Variants in AGPS observed in about 807,000 individuals in gnomAD.
AGPS encodes alkylglycerone phosphate synthase, also known as alkyldihydroxyacetonephosphate synthase, peroxisomal.
AGPS carries 26 observed loss-of-function variants against 90.7 expected under a neutral mutation model. The ratio of observed to expected loss-of-function variants is 0.29; its 90% CI spans 0.21 to 0.40. The LOEUF (loss-of-function observed/expected upper bound fraction) is 0.40. Among genes scored for constraint, AGPS ranks in the 10% least tolerant of loss-of-function variants. The pLI is 1.00. For synonymous variants in AGPS, 294 were observed against 285.3 expected (o/e 1.03, Z -0.31); for missense variants, 540 against 816.1 (o/e 0.66, Z 4.12).
intron 1 of AGPS, among the ~76,000 whole-genome samples, chr2:177,400,930 G>C (rs142425391): frequency 6.2e-4 from 94 of 152,254 alleles, no homozygotes; most frequent in African/African-American, 2.1e-3. Context: ...AACTGTATAG[G>C]AATCCAGCCT....
At chr2:177,436,316 T>C (rs952788522) in intron 3 of AGPS, among the ~76,000 whole-genome samples, 2 of 151,726 alleles carry the variant, frequency 1.3e-5, no homozygotes, top group South Asian at 4.2e-4. Context: ...CACGCCCGGC[T>C]AATTTTTGTA....
intron 2 of AGPS, among the ~76,000 whole-genome samples, chr2:177,425,535 C>T (rs1018060196): frequency 2.0e-5 from 3 of 147,960 alleles, no homozygotes; most frequent in Non-Finnish European, 3.0e-5. Context: ...GCAGGAGACT[C>T]GCTTGAACCC....
chr2:177,479,716 G>T (rs924186417), intron 10 of AGPS, among the ~76,000 whole-genome samples: 1 of 152,226 alleles, frequency 6.6e-6, no homozygotes, highest in African/African-American at 2.4e-5. Context: ...GTCCAGAATA[G>T]GCAAGTCTGT....
In AGPS at chr2:177,521,335, T is replaced by C. The variant is rs772375722; in HGVS notation, c.1764T>C (p.Ile588=). 1.9e-6 allele frequency: 3 copies of C among 1,614,086 alleles called. No homozygotes were observed. The South Asian group carries it at 3.3e-5, about 18-fold the overall frequency. ...YFYFAFNYRG[I]SDPLTVFEQT... Reference sequence around the variant, plus strand: ...ATTTTGCCTTTAACTACAGGGGAATTAGTGACCCACTGACCGTATTTGAAC... The same window carrying C: ...ATTTTGCCTTTAACTACAGGGGAATCAGTGACCCACTGACCGTATTTGAAC... Residue 588 remains isoleucine, a synonymous_variant, in exon 18 of 20, where the codon ATT becomes ATC. Transcript: ENST00000264167.
chr2:177,449,279 A>G (rs994389349), intron 8 of AGPS, among the ~76,000 whole-genome samples: 3 of 152,346 alleles, frequency 2.0e-5, no homozygotes, highest in Non-Finnish European at 1.5e-5. Context: ...GTTTTTTCCC[A>G]GAGTGATTAT....
intron 8 of AGPS, among the ~76,000 whole-genome samples, chr2:177,450,940 C>T (rs902406035): frequency 4.4e-3 from 9 of 2,034 alleles, no homozygotes; most frequent in African/African-American, 8.6e-3. Flanking sequence ...CAGTGTCTTA[C>T]GGTTTTCTAT....
chr2:177,418,411 A>T (rs757590884), intron 1 of AGPS, among the ~76,000 whole-genome samples: 40 of 152,090 alleles, frequency 2.6e-4, no homozygotes, highest in Non-Finnish European at 5.3e-4. Flanking sequence ...TTTTAAGGAA[A>T]ATGATTTTCG....
intron 8 of AGPS, among the ~76,000 whole-genome samples, chr2:177,461,425 C>T (rs1687290211): frequency 6.6e-6 from 1 of 152,166 alleles, no homozygotes; most frequent in Non-Finnish European, 1.5e-5. Flanking sequence ...AGGCAATTTG[C>T]TCGGATTTTC....
chr2:177,493,449 G>C (rs984669805), intron 12 of AGPS, among the ~76,000 whole-genome samples: 5 of 152,224 alleles, frequency 3.3e-5, no homozygotes, highest in African/African-American at 4.8e-5. Flanking sequence ...TTTGCTTGAG[G>C]ATAAAGAGTC....
intron 1 of AGPS, 37 bp from the exon 2 acceptor site, chr2:177,420,232 G>A: frequency 7.8e-7 from 1 of 1,287,448 alleles, no homozygotes; most frequent in Non-Finnish European, 1.1e-6. Context: ...AAGATGTTTA[G>A]CATTGGTCTC....
At chr2:177,502,450 TCA>T (rs1452957243) in intron 14 of AGPS, among the ~76,000 whole-genome samples, 1 of 147,514 alleles carries the variant, frequency 6.8e-6, no homozygotes, top group Non-Finnish European at 1.5e-5. Flanking sequence ...TCTTGCTCTG[TCA>T]CTCAGGCTGG....
chr2:177,527,125 AT>A (rs972211364), intron 19 of AGPS, among the ~76,000 whole-genome samples: 19 of 151,828 alleles, frequency 1.3e-4, no homozygotes, highest in Non-Finnish European at 2.7e-4. Flanking sequence ...CATGTAATTA[AT>A]TTTTTTTTAA....
chr2:177,457,211 A>G (rs149098531), intron 8 of AGPS, among the ~76,000 whole-genome samples: 5,345 of 152,338 alleles, frequency 0.035, 205 homozygotes, highest in African/African-American at 0.097. Flanking sequence ...AGGGAAATTT[A>G]TAACACTAAA....
At chr2:177,490,592 C>T (rs1369209641) in intron 11 of AGPS, among the ~76,000 whole-genome samples, 1 of 152,066 alleles carries the variant, frequency 6.6e-6, no homozygotes, top group African/African-American at 2.4e-5. Context: ...GCTTATGTGA[C>T]TTGATTATCA....
chr2:177,459,487 C>A (rs1013918641), intron 8 of AGPS, among the ~76,000 whole-genome samples: 4 of 152,100 alleles, frequency 2.6e-5, no homozygotes, highest in South Asian at 2.1e-4. Flanking sequence ...AAAAAACAAC[C>A]CCATCAAAAA....
chr2:177,502,991 T>A (rs775869691), intron 14 of AGPS, among the ~76,000 whole-genome samples: 1 of 152,194 alleles, frequency 6.6e-6, no homozygotes, highest in Non-Finnish European at 1.5e-5. Flanking sequence ...TTATTTTGAA[T>A]TGGGGCATTA....
At position 177,455,848 on chromosome 2, in the gene AGPS, T is replaced by G. The variant is rs78157515; in HGVS notation, c.871-6045T>G. 1.6e-4 allele frequency among the ~76,000 whole-genome samples: 25 copies of G among 152,194 alleles called. No homozygotes were observed. In the South Asian group the frequency reaches 2.5e-3, roughly 15 times the overall value. The stretch of plus-strand genomic sequence containing the variant: ...TAATATAAGCACCATAATTTAGGGA[T>G]TTTTTAAGGAATATATCTGAAGGTC... On this transcript the variant is annotated intron_variant, in intron 8 of 19. Coordinates refer to ENST00000264167, the MANE Select transcript of AGPS (RefSeq NM_003659.4).
intron 11 of AGPS, among the ~76,000 whole-genome samples, chr2:177,484,354 G>A (rs1488241451): frequency 6.6e-6 from 1 of 151,616 alleles, no homozygotes; most frequent in Admixed American, 6.6e-5. Context: ...TTTTTTGTTT[G>A]TTTTTTTAAG....
At chr2:177,484,079 A>T (rs1307295189) in intron 11 of AGPS, among the ~76,000 whole-genome samples, 1 of 151,090 alleles carries the variant, frequency 6.6e-6, no homozygotes, top group Non-Finnish European at 1.5e-5. Context: ...TTCCATATAT[A>T]TTTTCATTAA....
Sources: gnomAD v4.1 joint callset for allele counts (sites outside exome capture counted in the v4.1 genomes callset) on GRCh38, gnomAD v4.1.1 for gene constraint, MANE v1.5 for transcripts, NCBI Gene and HGNC (gene_info 2026-07-23, HGNC 2026-07-21) for gene names.